FRMPD4: variants seen among roughly 807,000 people sequenced by gnomAD.
The protein encoded by FRMPD4 is FERM and PDZ domain-containing protein 4.
In FRMPD4, 22 loss-of-function variants were observed where a neutral mutation model predicts 94.1. The ratio of observed to expected loss-of-function variants is 0.23; its 90% CI spans 0.17 to 0.33. The LOEUF is 0.33. FRMPD4 is among the 10% of genes least tolerant of loss of function. FRMPD4 has a pLI of 1.00. For synonymous variants in FRMPD4, 631 were observed against 548.6 expected (o/e 1.15, Z -2.10); for missense variants, 1,111 against 1,339.9 (o/e 0.83, Z 2.67).
chrX:11,983,313 G>A (rs1348739758), intron 3 of FRMPD4, among the ~76,000 whole-genome samples: 2 of 111,857 alleles, frequency 1.8e-5, no homozygotes, highest in African/African-American at 3.3e-5. Flanking sequence ...TGAAAGGGTG[G>A]TCTAGTATAC....
At position 11,974,702 on chromosome X, in the gene FRMPD4, T is replaced by G. The variant is rs751832866; in HGVS notation, c.95+96684T>G. ...TTTTTCTTAGCCAGTGATGTGCTCT[T>G]GATGAGTGTAGGACATTGAGCCTTG... On this transcript the variant is annotated intron_variant, in intron 3 of 18. Coordinates refer to the FRMPD4 transcript ENST00000640291. Among the ~76,000 whole-genome samples, 61 of 112,068 alleles carry G rather than the reference T, an allele frequency of 5.4e-4. 1 individual carries two copies. The highest frequency in any genetic ancestry group is 9.2e-4 in the Non-Finnish European group (49 of 53,246).
At chrX:11,990,401 T>C (rs2054457488) in intron 3 of FRMPD4, among the ~76,000 whole-genome samples, 1 of 112,229 alleles carries the variant, frequency 8.9e-6, no homozygotes, top group African/African-American at 3.2e-5. Flanking sequence ...CATAACATTG[T>C]TAATGTACTA....
chrX:12,617,162 C>A (rs2059243967), intron 4 of FRMPD4, among the ~76,000 whole-genome samples: 2 of 112,341 alleles, frequency 1.8e-5, no homozygotes, highest in Admixed American at 1.9e-4. Context: ...TGGCAAACAG[C>A]TCCAAGTTCA....
chrX:12,670,099 T>G (rs914404114), intron 4 of FRMPD4, among the ~76,000 whole-genome samples: 1 of 112,016 alleles, frequency 8.9e-6, no homozygotes, highest in Non-Finnish European at 1.9e-5. Flanking sequence ...ATAAATTCAG[T>G]GCCACTGAGC....
intron 2 of FRMPD4, among the ~76,000 whole-genome samples, chrX:12,523,283 T>A (rs73438783): frequency 0.016 from 1,799 of 111,646 alleles, 39 homozygotes; most frequent in African/African-American, 0.055. Context: ...AAGATAAAAG[T>A]TAATAGGCTC....
intron 13 of FRMPD4, among the ~76,000 whole-genome samples, chrX:12,708,548 T>C (rs2041923953): frequency 1.8e-5 from 2 of 110,660 alleles, no homozygotes; most frequent in Non-Finnish European, 3.8e-5. Context: ...TAGGAAATAG[T>C]CCAGGTTCCT....
chrX:12,642,845 T>C (rs1211073385), intron 4 of FRMPD4, among the ~76,000 whole-genome samples: 1 of 112,083 alleles, frequency 8.9e-6, no homozygotes, highest in African/African-American at 3.2e-5. Flanking sequence ...CTAGGCTGCA[T>C]TGAGCTGTGG....
intron 3 of FRMPD4, among the ~76,000 whole-genome samples, chrX:11,923,335 G>A (rs779754510): frequency 8.9e-6 from 1 of 111,847 alleles, no homozygotes; most frequent in South Asian, 3.8e-4. Context: ...CCCACACCCT[G>A]AGTGATCACT....
Position 12,718,492 on chromosome X carries a change from T to G in FRMPD4, c.3666T>G (p.Cys1222Trp), listed in dbSNP as rs2147177367. The change falls in exon 16 of 17, where the codon TGT (cysteine) becomes TGG (tryptophan). Residue 1222 changes from cysteine (C) to tryptophan (W), a missense_variant. Around this residue, in one of 8 missense-constraint regions of FRMPD4, gnomAD observed 551 missense variants for 591.6 expected, o/e 0.93. Coordinates refer to ENST00000675598, the MANE Select transcript of FRMPD4 (RefSeq NM_001368397.1). ...AAGGCTCTTCAGTGGATGCAGGCTGTGGCACAGGCAGCAGTGGCAGTGCCT... is the reference window on the plus strand; with the variant it reads ...AAGGCTCTTCAGTGGATGCAGGCTGGGGCACAGGCAGCAGTGGCAGTGCCT... Reference protein sequence around the residue: ...SSQGSSVDAGCGTGSSGSACA... With the variant: ...SSQGSSVDAGWGTGSSGSACA... 8.3e-7 allele frequency: 1 copy of G among 1,206,607 alleles called. No individual in the cohort carries two copies. The highest frequency in any genetic ancestry group is 1.1e-6 in the Non-Finnish European group (1 of 890,773).
Position 12,716,894 on chromosome X carries a change from C to A in FRMPD4, c.2435C>A (p.Pro812His). ...AACATGGCCATTGCCGCACCCCCAC[C>A]TGGCTTTAGAGACAGTTCAGATGAA... Reference protein sequence around the residue: ...SLNMAIAAPPPGFRDSSDEED... With the variant: ...SLNMAIAAPPHGFRDSSDEED... Residue 812 changes from proline (P) to histidine (H), a missense_variant, in exon 15 of 17, where the codon CCT becomes CAT. Physicochemically the swap from Pro to His is moderately conservative, Grantham distance 77. This residue lies in a region of FRMPD4 where 74 missense variants were observed against 93.9 expected (regional missense o/e 0.79). Coordinates refer to ENST00000675598, the MANE Select transcript of FRMPD4 (RefSeq NM_001368397.1). 1 of 1,211,523 alleles carries A rather than the reference C, an allele frequency of 8.3e-7. No individual in the cohort carries two copies. Among genetic ancestry groups the A allele is most frequent in the Non-Finnish European group, 1.1e-6 (1 of 895,093 alleles).
At chrX:12,469,592 T>C (rs2057487116) in intron 1 of FRMPD4, among the ~76,000 whole-genome samples, 2 of 111,674 alleles carry the variant, frequency 1.8e-5, no homozygotes, top group South Asian at 3.8e-4. Context: ...ACTATACTTC[T>C]ACAGAAAAAA....
At chrX:12,301,807 G>A (rs372533843) in intron 1 of FRMPD4, among the ~76,000 whole-genome samples, 10 of 112,143 alleles carry the variant, frequency 8.9e-5, no homozygotes, top group African/African-American at 2.9e-4. Flanking sequence ...CCATGTTGGA[G>A]AATGAGGCTC....
intron 3 of FRMPD4, among the ~76,000 whole-genome samples, chrX:12,131,769 A>T (rs1289235046): frequency 8.9e-6 from 1 of 112,163 alleles, no homozygotes; most frequent in Non-Finnish European, 1.9e-5. Flanking sequence ...CATATTTAGT[A>T]AGAATTATTG....
At chrX:12,168,622 C>T (rs1395234965) in intron 1 of FRMPD4, among the ~76,000 whole-genome samples, 295 of 70,156 alleles carry the variant, frequency 4.2e-3, no homozygotes, top group African/African-American at 0.016. Context: ...GACACTGACC[C>T]TTTTTTTTTT....
chrX:12,211,137 G>A (rs1437435116), intron 1 of FRMPD4, among the ~76,000 whole-genome samples: 2 of 112,276 alleles, frequency 1.8e-5, no homozygotes. Flanking sequence ...CATTTTTGCA[G>A]TTCTCACTAA....
chrX:11,967,764 T>G lies in FRMPD4; in HGVS notation c.95+89746T>G, dbSNP rs7061911. ...TGTGTGTGTGTGTGTGTGTTTTTTT[T>G]TTTTTTTTTTTTTTAAGGAAGCTGA... On this transcript the variant is annotated intron_variant, in intron 3 of 18. Transcript: ENST00000640291. Among the ~76,000 whole-genome samples, 635 of 100,205 alleles carry G rather than the reference T, an allele frequency of 6.3e-3. 6 individuals carry two copies. Among genetic ancestry groups the G allele is most frequent in the African/African-American group, 0.022 (598 of 27,103 alleles). 87.0% of individuals were successfully genotyped at this position (100,205 alleles called of 115,157 possible).
At chrX:12,386,358 A>G (rs1436771908) in intron 1 of FRMPD4, among the ~76,000 whole-genome samples, 1 of 112,300 alleles carries the variant, frequency 8.9e-6, no homozygotes, top group Non-Finnish European at 1.9e-5. Context: ...GGGTGAACAG[A>G]GGAAAATTTA....
intron 1 of FRMPD4, among the ~76,000 whole-genome samples, chrX:12,485,322 A>G (rs1258343845): frequency 8.9e-6 from 1 of 112,319 alleles, no homozygotes; most frequent in Non-Finnish European, 1.9e-5. Flanking sequence ...ATGTTCTTCA[A>G]ATAGTGGGGC....
In FRMPD4 at chrX:12,567,116, C is replaced by T. The variant is rs370341661; in HGVS notation, c.159-42605C>T. On this transcript the variant is annotated intron_variant, in intron 2 of 16. Transcript: ENST00000675598. ...TTTTCCACACTAAATTCTCCTCCCT[C>T]AGTTTCTGCCATACACAGCCATATT... 6.3e-5 allele frequency among the ~76,000 whole-genome samples: 7 copies of T among 111,547 alleles called. No individual in the cohort carries two copies. The East Asian group carries it at 1.1e-3, about 18-fold the overall frequency.
Sources: allele counts gnomAD v4.1 joint callset (sites outside exome capture counted in the v4.1 genomes callset), GRCh38; gene constraint gnomAD v4.1.1; regional missense constraint gnomAD v4.1.1; transcripts MANE v1.5; gene names NCBI Gene and HGNC (gene_info 2026-07-23, HGNC 2026-07-21).